Variants in ZFP14 observed in about 807,000 individuals in gnomAD.
The protein encoded by ZFP14 is ZFP14 zinc finger protein.
ZFP14 carries 22 observed loss-of-function variants against 54.5 expected under a neutral mutation model. That is an observed-to-expected ratio of 0.40 (90% CI 0.29 to 0.58). ZFP14 has a LOEUF of 0.58. Ranked by LOEUF, ZFP14 falls within the 20% of genes least tolerant of loss-of-function variation. The pLI is 0.39. For missense variants in ZFP14, 470 were observed against 637.8 expected (o/e 0.74, Z 2.83); for synonymous variants, 159 against 204.0 (o/e 0.78, Z 1.88).
intron 4 of ZFP14, 180 bp downstream of exon 4, chr19:36,360,255 G>C (rs778461573): frequency 1.2e-4 from 49 of 395,196 alleles, no homozygotes; most frequent in Non-Finnish European, 1.8e-4. Context: ...TCAATAGAAA[G>C]TTCCTTTGCT....
In ZFP14 at chr19:36,341,557, G is replaced by T. The variant is rs556078129; in HGVS notation, c.269C>A (p.Ser90Tyr). The T allele has an allele frequency of 2.6e-5, 41 of 1,597,190 alleles. 1 individual carries two copies. In the South Asian group the frequency reaches 4.7e-4, roughly 18 times the overall value. Residue 90 changes from serine to tyrosine, a missense_variant, in exon 5 of 5, where the codon TCT becomes TAT. Ser to Tyr is a moderately radical substitution (Grantham distance 144). Transcript: ENST00000270001. This position sits in a 1 kb window ranked among gnomAD's most constrained non-coding sequence, Gnocchi z 4.2. ...TATTTCATAAATGTCCTTTTCTGGA[G>T]ATAAAGTATTGGTCCTGTATCTGGA... The part of the protein sequence containing the change: ...LESRYRTNTL[S>Y]PEKDIYEIYS...
chr19:36,360,385 G>C lies in ZFP14; in HGVS notation c.235+50C>G, dbSNP rs181319822. 3.0e-4 allele frequency: 460 copies of C among 1,544,804 alleles called. No homozygotes were observed. The African/African-American group carries it at 3.9e-3, about 13-fold the overall frequency. ...GTGTGCCTCCACCCTAATCAGTTTAGCTATTACCTGCAGTAGTGATTTCTC... is the reference window on the plus strand; with the variant it reads ...GTGTGCCTCCACCCTAATCAGTTTACCTATTACCTGCAGTAGTGATTTCTC... On this transcript the variant is annotated intron_variant, in intron 4 of 4. Transcript: ENST00000270001.
At chr19:36,360,402 T>C (rs1413365089) in intron 4 of ZFP14, 33 bp downstream of exon 4, 1 of 1,595,076 alleles carries the variant, frequency 6.3e-7, no homozygotes. Context: ...CCTGCAGTAG[T>C]GATTTCTCAA....
chr19:36,358,286 T>C (rs971570751), intron 4 of ZFP14, among the ~76,000 whole-genome samples: 1 of 151,738 alleles, frequency 6.6e-6, no homozygotes, highest in Non-Finnish European at 1.5e-5. Context: ...AATGTTTGTA[T>C]TTTTAGTAGA....
chr19:36,359,414 T>C (rs1364127471), intron 4 of ZFP14, among the ~76,000 whole-genome samples: 1 of 152,226 alleles, frequency 6.6e-6, no homozygotes, highest in Non-Finnish European at 1.5e-5. Context: ...ATACTGCTGC[T>C]ATTTCTTCCT....
chr19:36,338,941 G>C lies in ZFP14; in HGVS notation c.*1283C>G, dbSNP rs984954593. The C allele has an allele frequency of 4.6e-5, 7 of 152,054 alleles. No individual in the cohort carries two copies. Among genetic ancestry groups the C allele is most frequent in the African/African-American group, 9.7e-5 (4 of 41,402 alleles). 9.4% of individuals were successfully genotyped at this position (152,054 alleles called of 1,614,324 possible). A position where few individuals can be genotyped will look rare whatever the true frequency, so the allele number is the denominator to read the frequency against. On this transcript the variant is annotated 3_prime_UTR_variant, in exon 5 of 5. Transcript: ENST00000270001. ...TAGTTTCTAATTAATTTTAAACTGT[G>C]GTCAGACAACAGGGATTGTAAGCCT...
chr19:36,352,101 G>A lies in ZFP14; in HGVS notation c.235+8334C>T, dbSNP rs1397557600. 5.0e-5 allele frequency among the ~76,000 whole-genome samples: 7 copies of A among 139,828 alleles called. 1 individual carries two copies. Among genetic ancestry groups the A allele is most frequent in the African/African-American group, 1.8e-4 (7 of 37,984 alleles). The allele number at this position is 139,828 out of a possible 152,430, so 91.7% of individuals were successfully genotyped here. On this transcript the variant is annotated intron_variant, in intron 4 of 4. Transcript: ENST00000270001. ...CGGGAGGCTGAGGCAGGAGAACGGC[G>A]TGAACTCGGGAGGCAGAGCTTGCAG...
At position 36,341,076 on chromosome 19, in the gene ZFP14, A is replaced by G; in HGVS notation, c.750T>C (p.His250=). Residue 250 remains histidine, a synonymous_variant, in exon 5 of 5, where the codon CAT becomes CAC. Transcript: ENST00000270001. The surrounding 1 kb of genome is among the most constrained non-coding windows in gnomAD (Gnocchi z 4.2). ...TACATTCATAGGGTTTTTCACCCGT[A>G]TGAAGTCTCTGATGTTGAGTAAGTT... The part of the protein sequence containing the change: ...LQELTQHQRL[H]TGEKPYECKE... 1.9e-6 allele frequency: 3 copies of G among 1,613,966 alleles called. No homozygotes were observed. The highest frequency in any genetic ancestry group is 1.3e-5 in the African/African-American group (1 of 74,990).
chr19:36,353,472 AG>A (rs2031562032), intron 4 of ZFP14, among the ~76,000 whole-genome samples: 1 of 140,514 alleles, frequency 7.1e-6, no homozygotes, highest in African/African-American at 2.6e-5. Context: ...AGGCCGAGGC[AG>A]GCAGATCACA....
chr19:36,376,508 G>T (rs1403974839), intron 1 of ZFP14, among the ~76,000 whole-genome samples: 1 of 151,144 alleles, frequency 6.6e-6, no homozygotes, highest in Non-Finnish European at 1.5e-5. Context: ...TCGTGCCACC[G>T]CACTCCAGCC....
chr19:36,338,364 A>AT lies in ZFP14; in HGVS notation c.*1859dup, dbSNP rs752110996. 6.6e-6 allele frequency: 1 copy of AT among 151,732 alleles called. No individual in the cohort carries two copies. Among genetic ancestry groups the AT allele is most frequent in the Non-Finnish European group, 1.5e-5 (1 of 67,956 alleles). The allele number at this position is 151,732 out of a possible 1,614,324, so 9.4% of individuals were successfully genotyped here. A position where few individuals can be genotyped will look rare whatever the true frequency, so the allele number is the denominator to read the frequency against. ...CATGGGAAAAGGAAACTAAATGACA[A>AT]TTTTTCCTCTGATTTATTGATTTCA... On this transcript the variant is annotated 3_prime_UTR_variant, in exon 5 of 5. Coordinates refer to ENST00000270001, the MANE Select transcript of ZFP14 (RefSeq NM_020917.3).
Position 36,358,127 on chromosome 19 carries a change from T to TTGAGATGGAGTCTTGCTCTATCGTC in ZFP14, c.235+2283_235+2307dup, listed in dbSNP as rs1490441606. On this transcript the variant is annotated intron_variant, in intron 4 of 4. Transcript: ENST00000270001. ...TCTATCTATCTATCTATTTTATTTT[T>TTGAGATGGAGTCTTGCTCTATCGTC]TGAGATGGAGTCTTGCTCTATCGTC... is the stretch of plus-strand genomic sequence containing the variant. Among the ~76,000 whole-genome samples, 13 of 151,840 alleles carry TTGAGATGGAGTCTTGCTCTATCGTC rather than the reference T, an allele frequency of 8.6e-5. No individual in the cohort carries two copies. The East Asian group carries it at 2.5e-3, about 29-fold the overall frequency.
At position 36,334,746 on chromosome 19, in the gene ZFP14, GTTCCTATTCCAGATATTCGGACTGAGAA is replaced by G. The variant is rs773257908; in HGVS notation, c.*5450_*5477del. The G allele has an allele frequency of 1.3e-5, 2 of 152,144 alleles. No homozygotes were observed. The highest frequency in any genetic ancestry group is 2.9e-5 in the Non-Finnish European group (2 of 68,032). 9.4% of individuals were successfully genotyped at this position (152,144 alleles called of 1,614,324 possible). ...GGTTATGGTAGCATCTAACAAAGCT[GTTCCTATTCCAGATATTCGGACTGAGAA>G]TTCCACAATAAATTTGAGATACACT... On this transcript the variant is annotated 3_prime_UTR_variant, in exon 5 of 5. Coordinates refer to ENST00000270001, the MANE Select transcript of ZFP14 (RefSeq NM_020917.3).
chr19:36,361,620 C>T (rs944041598), intron 3 of ZFP14, among the ~76,000 whole-genome samples: 8 of 151,282 alleles, frequency 5.3e-5, no homozygotes, highest in Non-Finnish European at 1.0e-4. Flanking sequence ...CTGCAACCTC[C>T]GCCTCCTGGG....
At chr19:36,364,247 T>C (rs1283689378) in intron 2 of ZFP14, among the ~76,000 whole-genome samples, 1 of 152,132 alleles carries the variant, frequency 6.6e-6, no homozygotes, top group African/African-American at 2.4e-5. Flanking sequence ...AGCAATTTGT[T>C]CGATGCATAT....
In ZFP14 at chr19:36,362,161, G is replaced by C; in HGVS notation, c.87C>G (p.Asp29Glu). Residue 29 changes from aspartate to glutamate, a missense_variant, in exon 3 of 5, where the codon GAC becomes GAG. Coordinates refer to ENST00000270001, the MANE Select transcript of ZFP14 (RefSeq NM_020917.3). The stretch of plus-strand genomic sequence containing the variant: ...TCTCCCACATTACATCCCTATATAA[G>C]TCCCTCTGAGCAGGATCCAGGAATT... The part of the protein sequence containing the change: ...EWEFLDPAQR[D>E]LYRDVMWENY... 1 of 1,612,028 alleles carries C rather than the reference G, an allele frequency of 6.2e-7. No homozygotes were observed. Among genetic ancestry groups the C allele is most frequent in the Non-Finnish European group, 8.5e-7 (1 of 1,179,072 alleles).
chr19:36,356,010 T>A (rs1291521921), intron 4 of ZFP14, among the ~76,000 whole-genome samples: 1 of 142,816 alleles, frequency 7.0e-6, no homozygotes, highest in Non-Finnish European at 1.6e-5. Context: ...ATCCTTAAAA[T>A]TTTTTTTATT....
chr19:36,366,816 A>G (rs1470623616), intron 2 of ZFP14, among the ~76,000 whole-genome samples: 1 of 152,066 alleles, frequency 6.6e-6, no homozygotes, highest in Non-Finnish European at 1.5e-5. Flanking sequence ...ATTTTTTTGT[A>G]TATATGTCAT....
intron 4 of ZFP14, among the ~76,000 whole-genome samples, chr19:36,347,876 C>T (rs2031447291): frequency 6.6e-6 from 1 of 152,040 alleles, no homozygotes; most frequent in Non-Finnish European, 1.5e-5. Flanking sequence ...GCCTGGCCAA[C>T]ATGGTGAAAC....
Sources: gnomAD v4.1 joint callset for allele counts (sites outside exome capture counted in the v4.1 genomes callset) on GRCh38, gnomAD v4.1.1 for gene constraint, Gnocchi (gnomAD v3.1) non-coding constraint, MANE v1.5 for transcripts, NCBI Gene and HGNC (gene_info 2026-07-23, HGNC 2026-07-21) for gene names.